The following STXBP5L variants were observed in gnomAD, a reference collection of about 807,000 sequenced individuals.
The protein encoded by STXBP5L is syntaxin binding protein 5L.
STXBP5L carries 65 observed loss-of-function variants against 144.5 expected under a neutral mutation model. The observed-to-expected ratio is 0.45, with a 90% CI of 0.37 to 0.55. STXBP5L has a LOEUF of 0.55. Among genes scored for constraint, STXBP5L ranks in the 20% least tolerant of loss-of-function variants. The pLI, the probability that STXBP5L is intolerant of heterozygous loss-of-function variation, is 0.00. For synonymous variants in STXBP5L, 505 were observed against 469.6 expected (o/e 1.08, Z -0.97); for missense variants, 1,298 against 1,405.5 (o/e 0.92, Z 1.22).
intron 24 of STXBP5L, among the ~76,000 whole-genome samples, chr3:121,413,530 T>C (rs2047168092): frequency 6.6e-6 from 1 of 152,144 alleles, no homozygotes. Context: ...AGGGAGACAA[T>C]GGAAAGATCA....
chr3:121,040,534 A>G (rs1329305004), intron 3 of STXBP5L, among the ~76,000 whole-genome samples: 1 of 151,990 alleles, frequency 6.6e-6, no homozygotes, highest in African/African-American at 2.4e-5. Flanking sequence ...TAGTTTCTTC[A>G]AACTTATTCC....
At chr3:121,003,041 C>T (rs985436251) in intron 3 of STXBP5L, among the ~76,000 whole-genome samples, 8 of 152,122 alleles carry the variant, frequency 5.3e-5, no homozygotes, top group Non-Finnish European at 2.9e-5. Flanking sequence ...TTTATAGCAG[C>T]ATGTTTTATA....
intron 19 of STXBP5L, among the ~76,000 whole-genome samples, chr3:121,299,617 T>C (rs2051805362): frequency 6.6e-6 from 1 of 152,078 alleles, no homozygotes; most frequent in Non-Finnish European, 1.5e-5. Flanking sequence ...TCAGTGACTT[T>C]GGCTGAAATT....
chr3:121,191,439 T>C (rs558593127), intron 9 of STXBP5L, among the ~76,000 whole-genome samples: 107 of 152,262 alleles, frequency 7.0e-4, no homozygotes, highest in African/African-American at 2.4e-3. Flanking sequence ...TTCGGCAGGC[T>C]GAGGCAGGAG....
intron 20 of STXBP5L, chr3:121,324,397 A>T: frequency 1.8e-6 from 1 of 566,364 alleles, no homozygotes; most frequent in Non-Finnish European, 3.1e-6. Flanking sequence ...CTTTCCAAAT[A>T]GTTATTATGA....
intron 3 of STXBP5L, among the ~76,000 whole-genome samples, chr3:120,973,999 C>T (rs1486699478): frequency 6.6e-6 from 1 of 152,136 alleles, no homozygotes; most frequent in Non-Finnish European, 1.5e-5. Context: ...CCGCAATAAA[C>T]ATACGTGTGC....
At chr3:120,933,686 T>C (rs996981586) in intron 2 of STXBP5L, among the ~76,000 whole-genome samples, 1 of 152,122 alleles carries the variant, frequency 6.6e-6, no homozygotes, top group African/African-American at 2.4e-5. Context: ...CTTGCTTTCA[T>C]GTGATTAAGC....
At chr3:121,061,152 A>C (rs1477282811) in intron 5 of STXBP5L, among the ~76,000 whole-genome samples, 2 of 152,188 alleles carry the variant, frequency 1.3e-5, no homozygotes, top group Non-Finnish European at 2.9e-5. Context: ...GCTGTGTCCC[A>C]GAGATTCTGG....
chr3:121,393,490 A>G (rs564529858), intron 22 of STXBP5L, among the ~76,000 whole-genome samples: 1 of 152,282 alleles, frequency 6.6e-6, no homozygotes, highest in South Asian at 2.1e-4. Flanking sequence ...GGTCTTAGTC[A>G]CGAATTCTTC....
chr3:121,013,352 A>G (rs767068371), intron 3 of STXBP5L, among the ~76,000 whole-genome samples: 17 of 152,042 alleles, frequency 1.1e-4, no homozygotes, highest in Non-Finnish European at 2.1e-4. Context: ...CCTTGCCAAC[A>G]TCTGTTATTT....
chr3:120,980,463 T>A (rs1486991140), intron 3 of STXBP5L, among the ~76,000 whole-genome samples: 4 of 146,950 alleles, frequency 2.7e-5, no homozygotes, highest in African/African-American at 7.4e-5. Context: ...TGTCCTGCTT[T>A]TTTTTTTTTT....
At chr3:121,211,920 AGAT>A (rs1559870556) in intron 10 of STXBP5L, among the ~76,000 whole-genome samples, 1 of 152,052 alleles carries the variant, frequency 6.6e-6, no homozygotes, top group East Asian at 1.9e-4. Flanking sequence ...AACTGGCATG[AGAT>A]TGTATCTCAT....
chr3:121,027,117 G>T (rs1042521262), intron 3 of STXBP5L, among the ~76,000 whole-genome samples: 1 of 151,848 alleles, frequency 6.6e-6, no homozygotes, highest in Non-Finnish European at 1.5e-5. Context: ...ATATGTGTTT[G>T]TATATGTGTA....
rs754640023 is a variant in STXBP5L, at chr3:121,152,506, A to G, written c.699A>G (p.Val233=). The stretch of plus-strand genomic sequence containing the variant: ...TAATAGGTTATGAAAATGGTACTGT[A>G]GTATTCTGGGACTTGAAATCTAAAA... ...KLLIGYENGT[V]VFWDLKSKRA... is the part of the protein sequence containing the mutation. The change falls in exon 8 of 27, where the codon GTA becomes GTG. Residue 233 remains valine, a synonymous_variant. Coordinates refer to ENST00000471454, the MANE Select transcript of STXBP5L (RefSeq NM_001308330.2). 14 of 1,609,554 alleles carry G rather than the reference A, an allele frequency of 8.7e-6. No homozygotes were observed. The South Asian group carries it at 1.5e-4, about 18-fold the overall frequency.
At chr3:120,974,894 T>G (rs1940761664) in intron 3 of STXBP5L, among the ~76,000 whole-genome samples, 1 of 152,176 alleles carries the variant, frequency 6.6e-6, no homozygotes, top group South Asian at 2.1e-4. Flanking sequence ...TCTGTTCCAT[T>G]GATCTATATC....
Position 121,346,884 on chromosome 3 carries a change from T to G in STXBP5L, c.2176+28344T>G, listed in dbSNP as rs143273536. On this transcript the variant is annotated intron_variant, in intron 20 of 26. Transcript: ENST00000471454. ...GTCAGATGAGTAGGTTGCAAAAATT[T>G]TCTCCCATTCTGTACATTGCCTGTT... 2.4e-3 allele frequency among the ~76,000 whole-genome samples: 365 copies of G among 152,340 alleles called. 1 individual carries two copies. The highest frequency in any genetic ancestry group is 8.4e-3 in the African/African-American group (349 of 41,586).
chr3:121,211,738 C>T lies in STXBP5L; in HGVS notation c.956+5737C>T, dbSNP rs182915709. ...TGACTACAGGCATGTGCCACCATTC[C>T]CAGCTAATTTTTGTATTTACTTTAG... On this transcript the variant is annotated intron_variant, in intron 10 of 26. Coordinates refer to ENST00000471454, the MANE Select transcript of STXBP5L (RefSeq NM_001308330.2). 4.2e-3 allele frequency among the ~76,000 whole-genome samples: 643 copies of T among 151,946 alleles called. 5 individuals are homozygous for T. Among genetic ancestry groups the T allele is most frequent in the African/African-American group, 0.015 (613 of 41,448 alleles).
At chr3:121,365,732 C>T (rs1320630943) in intron 20 of STXBP5L, among the ~76,000 whole-genome samples, 1 of 151,268 alleles carries the variant, frequency 6.6e-6, no homozygotes, top group African/African-American at 2.4e-5. Context: ...CTTTTGATTT[C>T]ATTGATTTTC....
At chr3:121,183,660 A>G (rs1577140788) in intron 9 of STXBP5L, among the ~76,000 whole-genome samples, 1 of 150,176 alleles carries the variant, frequency 6.7e-6, no homozygotes, top group South Asian at 2.3e-4. Context: ...AAAGAAAGAA[A>G]GAAGGAAGGG....
Sources: allele counts gnomAD v4.1 joint callset (sites outside exome capture counted in the v4.1 genomes callset), GRCh38; gene constraint gnomAD v4.1.1; transcripts MANE v1.5; gene names NCBI Gene and HGNC (gene_info 2026-07-23, HGNC 2026-07-21).